The following BLVRA variants were observed in gnomAD, a reference collection of about 807,000 sequenced individuals.
The protein encoded by BLVRA is biliverdin reductase A, also known as BVR A.
In BLVRA, 22 loss-of-function variants were observed where a neutral mutation model predicts 32.8. The observed-to-expected ratio is 0.67, with a 90% CI of 0.48 to 0.96. The LOEUF is 0.96. Among genes scored for constraint, BLVRA ranks in the 40% least tolerant of loss-of-function variants. BLVRA has a pLI of 0.00. For missense variants in BLVRA, 323 were observed against 358.1 expected (o/e 0.90, Z 0.79); for synonymous variants, 119 against 141.3 (o/e 0.84, Z 1.12).
chr7:43,803,600 A>G, intron 6 of BLVRA, 76 bp from the exon 7 acceptor site: 1 of 478,312 alleles, frequency 2.1e-6, no homozygotes, highest in Non-Finnish European at 3.9e-6. Context: ...CACCCCCGCC[A>G]CCCCCACCCC....
intron 1 of BLVRA, among the ~76,000 whole-genome samples, chr7:43,770,436 C>T (rs1042016654): frequency 6.6e-6 from 1 of 152,022 alleles, no homozygotes; most frequent in African/African-American, 2.4e-5. Flanking sequence ...GATTCATGGC[C>T]TCCCCTCCAC....
Position 43,803,767 on chromosome 7 carries a change from T to C in BLVRA, c.552T>C (p.Ser184=). The part of the protein sequence containing the change: ...TWLVSLFGEL[S]LVSATLEERK... ...TGGTCTCCCTCTTTGGGGAGCTTTC[T>C]CTTGTGTCTGCCACTTTGGAAGAGC... Residue 184 remains serine (S), a synonymous_variant, in exon 7 of 8, where the codon TCT becomes TCC. Transcript: ENST00000265523. The C allele has an allele frequency of 6.2e-7, 1 of 1,614,188 alleles. No individual in the cohort carries two copies. The highest frequency in any genetic ancestry group is 8.5e-7 in the Non-Finnish European group (1 of 1,180,022).
At chr7:43,784,937 A>C (rs1417484156) in intron 2 of BLVRA, among the ~76,000 whole-genome samples, 2 of 152,104 alleles carry the variant, frequency 1.3e-5, no homozygotes, top group Non-Finnish European at 2.9e-5. Flanking sequence ...CCTGTGTGTC[A>C]GTTTTGCAAG....
At position 43,787,867 on chromosome 7, in the gene BLVRA, G is replaced by A. The variant is rs763748106; in HGVS notation, c.13-37G>A. The A allele has an allele frequency of 2.5e-6, 4 of 1,614,134 alleles. No homozygotes were observed. The South Asian group carries it at 3.3e-5, about 13-fold the overall frequency. ...TGTAGTTTTCTGCTCGATGCCTACA[G>A]TGTTTTCAGACTCCACCTTGGTCCC... On this transcript the variant is annotated intron_variant, in intron 2 of 7. Coordinates refer to ENST00000265523, the MANE Select transcript of BLVRA (RefSeq NM_000712.4). This position sits in a 1 kb window ranked among gnomAD's most constrained non-coding sequence, Gnocchi z 4.5.
intron 7 of BLVRA, among the ~76,000 whole-genome samples, chr7:43,805,134 T>C (rs568597666): frequency 6.6e-6 from 1 of 152,196 alleles, no homozygotes; most frequent in South Asian, 2.1e-4. Flanking sequence ...AAAGATACTG[T>C]AGGGTGCTGT....
At position 43,800,491 on chromosome 7, in the gene BLVRA, G is replaced by GA; in HGVS notation, c.381dup (p.Leu128ThrfsTer90). The stretch of plus-strand genomic sequence containing the variant: ...AAAAGTCTTGCACGAGGAGCATGTT[G>GA]AACTCTTGATGGAGGAATTCGCTTT... On this transcript the variant is annotated frameshift_variant, in exon 6 of 8. Transcript: ENST00000265523. LOFTEE classifies it high-confidence loss of function. 6.2e-7 allele frequency: 1 copy of GA among 1,614,102 alleles called. No individual in the cohort carries two copies. The highest frequency in any genetic ancestry group is 8.5e-7 in the Non-Finnish European group (1 of 1,179,964).
chr7:43,765,093 A>G (rs1032973205), intron 1 of BLVRA, among the ~76,000 whole-genome samples: 3 of 152,318 alleles, frequency 2.0e-5, no homozygotes, highest in Admixed American at 1.3e-4. Context: ...GCTGCAGTAG[A>G]TACGGGGGGA....
At chr7:43,770,760 C>T (rs2095753835) in intron 1 of BLVRA, among the ~76,000 whole-genome samples, 2 of 152,186 alleles carry the variant, frequency 1.3e-5, no homozygotes, top group Admixed American at 1.3e-4. Context: ...TTCTTATTGC[C>T]TTGCTTGTCC....
Position 43,798,311 on chromosome 7 carries a change from A to T in BLVRA, c.353-2154A>T, listed in dbSNP as rs555322109. 3.3e-5 allele frequency among the ~76,000 whole-genome samples: 5 copies of T among 149,416 alleles called. No individual in the cohort carries two copies. In the East Asian group the frequency reaches 1.0e-3, roughly 30 times the overall value. ...TAATTACTAATGATATCACTTCATT[A>T]GGTGGTGTCTGACGGGCTTTTCCAC... is the stretch of plus-strand genomic sequence containing the variant. On this transcript the variant is annotated intron_variant, in intron 5 of 7. Coordinates refer to ENST00000265523, the MANE Select transcript of BLVRA (RefSeq NM_000712.4).
At chr7:43,772,741 G>A (rs773266281) in intron 2 of BLVRA, among the ~76,000 whole-genome samples, 2 of 152,142 alleles carry the variant, frequency 1.3e-5, no homozygotes, top group Non-Finnish European at 2.9e-5. Flanking sequence ...GAGCGAAGGG[G>A]GAAGACCCCC....
At chr7:43,767,525 G>A (rs2095749572) in intron 1 of BLVRA, 1 of 1,153,480 alleles carries the variant, frequency 8.7e-7, no homozygotes, top group South Asian at 1.2e-5. Flanking sequence ...CACCGGCCAT[G>A]TGGTGCTGGC....
intron 6 of BLVRA, among the ~76,000 whole-genome samples, chr7:43,802,785 G>A (rs1359441225): frequency 6.6e-6 from 1 of 152,148 alleles, no homozygotes; most frequent in Non-Finnish European, 1.5e-5. Context: ...ATAGGCATGA[G>A]CTACTGTACG....
intron 6 of BLVRA, among the ~76,000 whole-genome samples, chr7:43,803,154 G>A (rs960272771): frequency 2.6e-5 from 4 of 152,120 alleles, no homozygotes; most frequent in African/African-American, 9.7e-5. Context: ...TTTCTCCATA[G>A]CTATTATAAT....
At chr7:43,806,749 GAA>G (rs375737231) in intron 7 of BLVRA, among the ~76,000 whole-genome samples, 1 of 147,840 alleles carries the variant, frequency 6.8e-6, no homozygotes, top group Non-Finnish European at 1.5e-5. Flanking sequence ...CTCCATCCCA[GAA>G]AAAAAAAAGT....
intron 1 of BLVRA, among the ~76,000 whole-genome samples, chr7:43,770,049 C>T (rs1324461511): frequency 2.6e-5 from 4 of 152,198 alleles, no homozygotes; most frequent in African/African-American, 9.7e-5. Flanking sequence ...GTTCTCATCC[C>T]TGTGCTTAAC....
At chr7:43,803,541 C>G in intron 6 of BLVRA, 135 bp from the exon 7 acceptor site, 1 of 967,178 alleles carries the variant, frequency 1.0e-6, no homozygotes, top group Non-Finnish European at 1.7e-6. Flanking sequence ...GCCTGCCTAC[C>G]ACATAAGGCA....
intron 6 of BLVRA, among the ~76,000 whole-genome samples, chr7:43,802,910 G>C (rs2095800275): frequency 8.3e-6 from 1 of 119,986 alleles, no homozygotes; most frequent in Non-Finnish European, 1.7e-5. Flanking sequence ...GGTAATTTTT[G>C]TATTTTTTTT....
chr7:43,759,256 A>G (rs1275402441), intron 1 of BLVRA, among the ~76,000 whole-genome samples: 2 of 152,266 alleles, frequency 1.3e-5, no homozygotes, highest in Non-Finnish European at 2.9e-5. Context: ...TGGAAACTGG[A>G]AACTATCACT....
chr7:43,805,484 T>G (rs973685699), intron 7 of BLVRA, among the ~76,000 whole-genome samples: 5 of 151,956 alleles, frequency 3.3e-5, no homozygotes, highest in African/African-American at 4.8e-5. Context: ...GGTTTCACCA[T>G]GTTGGTCAGG....
Sources: gnomAD v4.1 joint callset for allele counts (sites outside exome capture counted in the v4.1 genomes callset) on GRCh38, gnomAD v4.1.1 for gene constraint, Gnocchi (gnomAD v3.1) non-coding constraint, MANE v1.5 for transcripts, NCBI Gene and HGNC (gene_info 2026-07-23, HGNC 2026-07-21) for gene names.